The following OPCML variants were observed in gnomAD, a reference collection of about 807,000 sequenced individuals.
OPCML encodes the protein opioid binding protein/cell adhesion molecule like.
OPCML carries 13 observed loss-of-function variants against 37.8 expected under a neutral mutation model. The observed-to-expected ratio is 0.34, with a 90% CI of 0.22 to 0.55. OPCML has a LOEUF of 0.55. OPCML is among the 20% of genes least tolerant of loss of function. The pLI is 0.91. For synonymous variants in OPCML, 176 were observed against 168.8 expected (o/e 1.04, Z -0.33); for missense variants, 341 against 435.6 (o/e 0.78, Z 1.93).
At chr11:132,639,604 T>A (rs1940726710) in intron 3 of OPCML, among the ~76,000 whole-genome samples, 1 of 152,158 alleles carries the variant, frequency 6.6e-6, no homozygotes, top group Admixed American at 6.5e-5. Flanking sequence ...TACATAATCC[T>A]CATGTTTGCA....
intron 2 of OPCML, among the ~76,000 whole-genome samples, chr11:132,746,336 A>C (rs1198254529): frequency 6.6e-6 from 1 of 152,110 alleles, no homozygotes; most frequent in Non-Finnish European, 1.5e-5. Flanking sequence ...AAGAAGGGAA[A>C]ATATGGAACA....
chr11:133,240,996 T>A (rs567832816), intron 1 of OPCML, among the ~76,000 whole-genome samples: 1 of 152,366 alleles, frequency 6.6e-6, no homozygotes, highest in South Asian at 2.1e-4. Context: ...CTTCCATCCA[T>A]TTATCTTACT....
At chr11:132,450,916 G>C (rs908075456) in intron 4 of OPCML, among the ~76,000 whole-genome samples, 1 of 152,120 alleles carries the variant, frequency 6.6e-6, no homozygotes, top group African/African-American at 2.4e-5. Context: ...TCTAATTTTC[G>C]ATAGTCAGTA....
At chr11:132,836,963 C>T (rs1156668755) in intron 2 of OPCML, among the ~76,000 whole-genome samples, 2 of 152,044 alleles carry the variant, frequency 1.3e-5, no homozygotes, top group Admixed American at 6.6e-5. Flanking sequence ...ATCAAGTGAA[C>T]GATCACAGAG....
chr11:133,237,749 A>G (rs867730108), intron 1 of OPCML, among the ~76,000 whole-genome samples: 8 of 152,348 alleles, frequency 5.3e-5, no homozygotes, highest in Middle Eastern at 3.4e-3. Flanking sequence ...ATAAGCATAT[A>G]TCAGTGTGCA....
At chr11:132,677,737 C>T (rs1472083558) in intron 2 of OPCML, among the ~76,000 whole-genome samples, 1 of 152,082 alleles carries the variant, frequency 6.6e-6, no homozygotes, top group Admixed American at 6.5e-5. Flanking sequence ...AGACACAGAT[C>T]TTACACTTGT....
chr11:133,059,578 A>C (rs2136985002), intron 1 of OPCML, among the ~76,000 whole-genome samples: 1 of 152,346 alleles, frequency 6.6e-6, no homozygotes, highest in East Asian at 1.9e-4. Flanking sequence ...TGCCCTCATT[A>C]AACAAAGAAA....
rs182442483 is a variant in OPCML, at chr11:132,960,761, A to G, written c.62-17751T>C. Among the ~76,000 whole-genome samples the G allele has an allele frequency of 2.3e-3, 348 of 152,284 alleles. 2 individuals carry two copies. The highest frequency in any genetic ancestry group is 8.3e-3 in the African/African-American group (344 of 41,550). ...TCCCCCACCCTTTGGCAATGTGCGC[A>G]TTTCATTCCACACACTGTTTTACCG... On this transcript the variant is annotated intron_variant, in intron 1 of 7. Transcript: ENST00000524381.
At chr11:132,481,613 T>G (rs2096180760) in intron 4 of OPCML, among the ~76,000 whole-genome samples, 1 of 151,410 alleles carries the variant, frequency 6.6e-6, no homozygotes, top group Non-Finnish European at 1.5e-5. Flanking sequence ...CAACAGAATA[T>G]ACATTTTTTT....
At chr11:132,557,379 C>T (rs1291725412) in intron 3 of OPCML, among the ~76,000 whole-genome samples, 4 of 152,174 alleles carry the variant, frequency 2.6e-5, no homozygotes, top group African/African-American at 4.8e-5. Context: ...TAGGATATTA[C>T]GACTTGGTTT....
intron 1 of OPCML, among the ~76,000 whole-genome samples, chr11:133,318,073 A>T (rs1943246497): frequency 6.6e-6 from 1 of 152,224 alleles, no homozygotes; most frequent in Admixed American, 6.5e-5. Flanking sequence ...ACAAAAACCC[A>T]GGGAAACAAC....
At chr11:132,759,900 T>G (rs562206674) in intron 2 of OPCML, among the ~76,000 whole-genome samples, 1 of 152,310 alleles carries the variant, frequency 6.6e-6, no homozygotes, top group East Asian at 1.9e-4. Context: ...AGGGTGCCAA[T>G]TTTAGATCTT....
chr11:132,566,667 C>T (rs1035276315), intron 3 of OPCML, among the ~76,000 whole-genome samples: 6 of 152,200 alleles, frequency 3.9e-5, no homozygotes, highest in Admixed American at 2.0e-4. Flanking sequence ...AGCTTTTGTG[C>T]TGCTGGGCAG....
At chr11:133,188,251 T>C (rs1293504094) in intron 1 of OPCML, among the ~76,000 whole-genome samples, 3 of 152,226 alleles carry the variant, frequency 2.0e-5, no homozygotes, top group African/African-American at 7.2e-5. Flanking sequence ...AGAAGAATCA[T>C]ATGGGCCTCA....
intron 2 of OPCML, among the ~76,000 whole-genome samples, chr11:132,791,299 T>C (rs757413946): frequency 5.3e-5 from 8 of 152,198 alleles, no homozygotes; most frequent in East Asian, 1.9e-4. Context: ...ATCAGAGAGA[T>C]CAAAATAGAC....
chr11:132,417,356 G>C lies in OPCML; in HGVS notation c.*2837C>G, dbSNP rs369343375. The C allele has an allele frequency of 1.3e-5, 2 of 152,206 alleles. No individual in the cohort carries two copies. The highest frequency in any genetic ancestry group is 2.1e-4 in the South Asian group (1 of 4,832). The allele number at this position is 152,206 out of a possible 1,614,324, so 9.4% of individuals were successfully genotyped here. ...TGTGAAGAAGTCATTTTCACTCCCA[G>C]TGAGTACCCCAGTTGCCTTGGGTTG... On this transcript the variant is annotated 3_prime_UTR_variant, in exon 8 of 8. Transcript: ENST00000524381.
In OPCML at chr11:133,140,077, C is replaced by G. The variant is rs1949744741; in HGVS notation, c.62-197067G>C. ...TGGCGCACACCTGTAGTCCCAGCTA[C>G]TGGGGAGGCTGAAGCAGGAGAATCA... On this transcript the variant is annotated intron_variant, in intron 1 of 7. Coordinates refer to ENST00000524381, the MANE Select transcript of OPCML (RefSeq NM_001012393.5). 2.0e-5 allele frequency among the ~76,000 whole-genome samples: 3 copies of G among 151,654 alleles called. No homozygotes were observed. In the South Asian group the frequency reaches 6.3e-4, roughly 32 times the overall value.
chr11:133,099,774 C>T (rs956286109), intron 1 of OPCML, among the ~76,000 whole-genome samples: 12 of 151,914 alleles, frequency 7.9e-5, no homozygotes, highest in African/African-American at 2.4e-4. Flanking sequence ...ATTTGTTGTT[C>T]GCTTGTTGAA....
intron 4 of OPCML, among the ~76,000 whole-genome samples, chr11:132,522,056 T>C (rs1178626962): frequency 1.3e-5 from 2 of 152,206 alleles, no homozygotes; most frequent in African/African-American, 4.8e-5. Flanking sequence ...AACTCAAGAA[T>C]GTTATAAAAG....
Sources: allele counts gnomAD v4.1 joint callset (sites outside exome capture counted in the v4.1 genomes callset), GRCh38; gene constraint gnomAD v4.1.1; transcripts MANE v1.5; gene names NCBI Gene and HGNC (gene_info 2026-07-23, HGNC 2026-07-21).